SERPINF2: variants seen among roughly 807,000 people sequenced by gnomAD.
The protein encoded by SERPINF2 is alpha-2-antiplasmin.
In SERPINF2, 15 loss-of-function variants were observed where a neutral mutation model predicts 45.0. The observed-to-expected ratio is 0.33, with a 90% CI of 0.22 to 0.51. The LOEUF (loss-of-function observed/expected upper bound fraction) is 0.51, where lower values mean the gene tolerates loss of function less well. Among genes scored for constraint, SERPINF2 ranks in the 20% least tolerant of loss-of-function variants. The pLI, the probability that SERPINF2 is intolerant of heterozygous loss-of-function variation, is 0.97. For missense variants in SERPINF2, 518 were observed against 637.4 expected (o/e 0.81, Z 2.02); for synonymous variants, 283 against 277.9 (o/e 1.02, Z -0.18).
In SERPINF2 at chr17:1,748,622, C is replaced by T. The variant is rs774324351; in HGVS notation, c.740C>T (p.Pro247Leu). The T allele has an allele frequency of 3.7e-6, 6 of 1,614,024 alleles. No homozygotes were observed. Among genetic ancestry groups the T allele is most frequent in the Admixed American group, 1.7e-5 (1 of 60,034 alleles). Residue 247 changes from proline to leucine, a missense_variant, in exon 8 of 10, where the codon CCG becomes CTG. Coordinates refer to ENST00000453066, the MANE Select transcript of SERPINF2 (RefSeq NM_000934.4). ...FQGFWRNKFD[P>L]SLTQRDSFHL... ...GGTTTCTGGAGGAACAAGTTTGACCCGAGCCTTACCCAGAGAGACTCCTTC... is the reference window on the plus strand; with the variant it reads ...GGTTTCTGGAGGAACAAGTTTGACCTGAGCCTTACCCAGAGAGACTCCTTC...
In SERPINF2 at chr17:1,747,466, G is replaced by A. The variant is rs1265935222; in HGVS notation, c.669G>A (p.Leu223=). The change falls in exon 7 of 10, where the codon CTG becomes CTA. Residue 223 remains leucine, a synonymous_variant. Coordinates refer to ENST00000453066, the MANE Select transcript of SERPINF2 (RefSeq NM_000934.4). ...EGKIQEFLSG[L]PEDTVLLLLN... is the part of the protein sequence containing the mutation. ...AGATTCAGGAATTCCTCTCTGGGCT[G>A]CCGGAAGACACCGTGTTGCTTCTCC... The A allele has an allele frequency of 6.2e-7, 1 of 1,614,126 alleles. No individual in the cohort carries two copies. Among genetic ancestry groups the A allele is most frequent in the South Asian group, 1.1e-5 (1 of 91,070 alleles).
chr17:1,743,029 A>G (rs1905431183), intron 1 of SERPINF2, 121 bp downstream of exon 1: 3 of 985,190 alleles, frequency 3.0e-6, no homozygotes, highest in East Asian at 1.1e-4. Context: ...CTCTTCTGGG[A>G]CTTGAAAAAC....
chr17:1,743,715 CAAAAAAAAA>C (rs61163841), intron 1 of SERPINF2, among the ~76,000 whole-genome samples: 3 of 33,732 alleles, frequency 8.9e-5, no homozygotes, highest in African/African-American at 1.8e-4. Context: ...AACTCCATCT[CAAAAAAAAA>C]AAAAAAAAAA....
At chr17:1,750,670 G>A (rs946010653) in intron 8 of SERPINF2, among the ~76,000 whole-genome samples, 2 of 152,174 alleles carry the variant, frequency 1.3e-5, no homozygotes, top group African/African-American at 4.8e-5. Context: ...CTTGGCCTGG[G>A]TATTGATCCC....
At chr17:1,746,615 C>CG (rs1260249819) in intron 5 of SERPINF2, among the ~76,000 whole-genome samples, 1 of 151,830 alleles carries the variant, frequency 6.6e-6, no homozygotes, top group Non-Finnish European at 1.5e-5. Context: ...TTAGTAGAGA[C>CG]GGGGTTTCAC....
intron 7 of SERPINF2, among the ~76,000 whole-genome samples, chr17:1,747,722 AC>A (rs1189535437): frequency 7.2e-5 from 11 of 151,932 alleles, no homozygotes; most frequent in Middle Eastern, 3.4e-3. Flanking sequence ...CTGCCACCAC[AC>A]CCAGCTAATT....
chr17:1,744,467 TG>T, intron 1 of SERPINF2: 1 of 843,976 alleles, frequency 1.2e-6, no homozygotes, highest in Non-Finnish European at 1.4e-6. Context: ...CACTCCAGCC[TG>T]GTCAACGAGA....
In SERPINF2 at chr17:1,746,971, G is replaced by C. The variant is rs547629315; in HGVS notation, c.368-48G>C. 19 of 1,592,368 alleles carry C rather than the reference G, an allele frequency of 1.2e-5. No homozygotes were observed. The African/African-American group carries it at 2.4e-4, about 20-fold the overall frequency. ...GGAGGGACTGGAGTGGGCAGTGGGG[G>C]TGAGAAAGGACCCGCAGCCGGGCCT... On this transcript the variant is annotated intron_variant, in intron 5 of 9. Transcript: ENST00000453066.
chr17:1,754,685 T>TGGGGGGGG lies in SERPINF2; in HGVS notation c.*154_*161dup, dbSNP rs67887323. On this transcript the variant is annotated 3_prime_UTR_variant, in exon 10 of 10. Transcript: ENST00000453066. The stretch of plus-strand genomic sequence containing the variant: ...CCAACACCTCTTGGGGAGTTTAGGG[T>TGGGGGGGG]GGGGGGGGGGCGCGGCTGGGAGGAG... The TGGGGGGGG allele has an allele frequency of 1.4e-4, 26 of 181,302 alleles. No individual in the cohort carries two copies. Among genetic ancestry groups the TGGGGGGGG allele is most frequent in the Middle Eastern group, 2.2e-3 (1 of 448 alleles). 11.2% of individuals were successfully genotyped at this position (181,302 alleles called of 1,614,324 possible).
chr17:1,747,292 G>A lies in SERPINF2; in HGVS notation c.512-17G>A. ...GAGCCTGGAGCCCTGGGAACAGCTT[G>A]TGCTGCCTCCGTGCAGGATTTCCCA... On this transcript the variant is annotated splice_polypyrimidine_tract_variant and intron_variant, in intron 6 of 9. Coordinates refer to ENST00000453066, the MANE Select transcript of SERPINF2 (RefSeq NM_000934.4). The A allele has an allele frequency of 1.2e-6, 2 of 1,613,390 alleles. No individual in the cohort carries two copies. Among genetic ancestry groups the A allele is most frequent in the Middle Eastern group, 1.6e-4 (1 of 6,062 alleles).
intron 7 of SERPINF2, 40 bp from the exon 8 acceptor site, chr17:1,748,558 G>T: frequency 6.2e-7 from 1 of 1,608,106 alleles, no homozygotes. Flanking sequence ...CCCCAAGCTG[G>T]TCCCCGTCGA....
rs1437430542 is a variant in SERPINF2 at position 1,749,601 on chromosome 17, A to C, written c.858+861A>C. Among the ~76,000 whole-genome samples, 6 of 152,184 alleles carry C rather than the reference A, an allele frequency of 3.9e-5. No homozygotes were observed. The East Asian group carries it at 9.7e-4, about 25-fold the overall frequency. On this transcript the variant is annotated intron_variant, in intron 8 of 9. Transcript: ENST00000453066. ...AGACAGATTGAGACTCCGACTCAGAAAAAACAAAGGCTGGCCTTGAACTCC... is the reference window on the plus strand; with the variant it reads ...AGACAGATTGAGACTCCGACTCAGACAAAACAAAGGCTGGCCTTGAACTCC...
chr17:1,745,727 CCCTG>C lies in SERPINF2; in HGVS notation c.186_189del (p.Leu63ArgfsTer23), dbSNP rs779004428. 4 of 1,613,710 alleles carry C rather than the reference CCCTG, an allele frequency of 2.5e-6. No individual in the cohort carries two copies. Among genetic ancestry groups the C allele is most frequent in the Non-Finnish European group, 2.5e-6 (3 of 1,180,000 alleles). On this transcript the variant is annotated frameshift_variant, in exon 5 of 10. Coordinates refer to ENST00000453066, the MANE Select transcript of SERPINF2 (RefSeq NM_000934.4). LOFTEE classifies it high-confidence loss of function. This position sits in a 1 kb window ranked among gnomAD's most constrained non-coding sequence, Gnocchi z 6.2. ...CTGCAGGAGCCTGGTGGCCAGACTG[CCCTG>C]AAGAGTCCCCCAGGAGTCTGCAGCA...
chr17:1,744,599 A>G, intron 1 of SERPINF2: 1 of 985,462 alleles, frequency 1.0e-6, no homozygotes, highest in African/African-American at 1.7e-5. Flanking sequence ...AGGTAAGGCC[A>G]AGCCTGGTGG....
chr17:1,749,415 T>G lies in SERPINF2; in HGVS notation c.858+675T>G, dbSNP rs1366996164. ...GAGTTCGAGACCAGCCTGACCAACA[T>G]AGCAAAGCCCCGTCTCTACTAAAAA... On this transcript the variant is annotated intron_variant, in intron 8 of 9. Coordinates refer to ENST00000453066, the MANE Select transcript of SERPINF2 (RefSeq NM_000934.4). Among the ~76,000 whole-genome samples, 11 of 151,912 alleles carry G rather than the reference T, an allele frequency of 7.2e-5. No homozygotes were observed. In the East Asian group the frequency reaches 1.9e-3, roughly 27 times the overall value.
rs566767270 is a variant in SERPINF2 at position 1,745,582 on chromosome 17, G to A, written c.166-126G>A. On this transcript the variant is annotated intron_variant, in intron 4 of 9. Transcript: ENST00000453066. This position sits in a 1 kb window ranked among gnomAD's most constrained non-coding sequence, Gnocchi z 6.2. Reference sequence around the variant, plus strand: ...AGAATGCCAGTGCCCTCCGTCTGACGCTCCCTCTTCCCTGGGGCTGGGACA... The same window carrying A: ...AGAATGCCAGTGCCCTCCGTCTGACACTCCCTCTTCCCTGGGGCTGGGACA... 3.0e-5 allele frequency: 36 copies of A among 1,200,794 alleles called. No individual in the cohort carries two copies. The highest frequency in any genetic ancestry group is 2.1e-4 in the African/African-American group (14 of 66,746). The allele number at this position is 1,200,794 out of a possible 1,614,324, so 74.4% of individuals were successfully genotyped here. A position where few individuals can be genotyped will look rare whatever the true frequency, so the allele number is the denominator to read the frequency against.
intron 7 of SERPINF2, among the ~76,000 whole-genome samples, 184 bp downstream of exon 7, chr17:1,747,696 CT>C (rs1014074888): frequency 3.7e-4 from 57 of 152,212 alleles, no homozygotes; most frequent in Non-Finnish European, 5.1e-4. Flanking sequence ...TCCCCAGTAG[CT>C]GGGATTACAG....
rs377325935 is a variant in SERPINF2 at position 1,745,148 on chromosome 17, C to A, written c.64-27C>A. 5 of 1,582,856 alleles carry A rather than the reference C, an allele frequency of 3.2e-6. No individual in the cohort carries two copies. The highest frequency in any genetic ancestry group is 2.7e-5 in the African/African-American group (2 of 74,080). ...AGGGAGGGCTTGGCTCCGAGGGGAC[C>A]TCCTATCCTCATCCCTTTCTCCACA... On this transcript the variant is annotated intron_variant, in intron 2 of 9. Transcript: ENST00000453066. The surrounding 1 kb of genome is among the most constrained non-coding windows in gnomAD (Gnocchi z 6.2).
intron 1 of SERPINF2, 128 bp from the exon 2 acceptor site, chr17:1,744,864 C>T: frequency 2.6e-6 from 4 of 1,558,416 alleles, no homozygotes; most frequent in Non-Finnish European, 3.5e-6. Flanking sequence ...TGTTCTGATT[C>T]TGGAGCCTGC....
Sources: gnomAD v4.1 joint callset for allele counts (sites outside exome capture counted in the v4.1 genomes callset) on GRCh38, gnomAD v4.1.1 for gene constraint, Gnocchi (gnomAD v3.1) non-coding constraint, MANE v1.5 for transcripts, NCBI Gene and HGNC (gene_info 2026-07-23, HGNC 2026-07-21) for gene names.